Variants in NAV2 observed in about 807,000 individuals in gnomAD.
NAV2 encodes helicase, APC down-regulated 1.
Under a neutral mutation model 223.2 loss-of-function variants are expected in NAV2, and 54 were observed. That is an observed-to-expected ratio of 0.24 (90% CI 0.19 to 0.30). NAV2 has a LOEUF of 0.30. Ranked by LOEUF, NAV2 falls within the 10% of genes least tolerant of loss-of-function variation. The probability of loss-of-function intolerance (pLI) is 1.00; values close to 1 mark genes in which losing one functional copy is unlikely to be tolerated. For missense variants in NAV2, 2,806 were observed against 3,147.5 expected, an observed-to-expected ratio of 0.89 and a Z score of 2.60; for synonymous variants, 1,279 against 1,239.3, an observed-to-expected ratio of 1.03 and a Z score of -0.67.
At chr11:19,743,875 T>C (rs139694429) in intron 1 of NAV2, among the ~76,000 whole-genome samples, 9 of 152,324 alleles carry the variant, frequency 5.9e-5, no homozygotes, top group African/African-American at 2.2e-4. Context: ...ATGGAAGGTT[T>C]GGGTCAGGCC....
intron 7 of NAV2, among the ~76,000 whole-genome samples, chr11:19,935,191 G>C (rs1263957964): frequency 1.3e-5 from 2 of 152,210 alleles, no homozygotes; most frequent in African/African-American, 4.8e-5. Context: ...ATTCGATCCT[G>C]TGCTGGAGAT....
intron 1 of NAV2, among the ~76,000 whole-genome samples, chr11:19,563,851 G>C (rs1298761384): frequency 4.6e-5 from 7 of 152,094 alleles, no homozygotes; most frequent in Non-Finnish European, 8.8e-5. Context: ...TACCTCACAG[G>C]GTTATTGAGA....
At chr11:19,381,963 A>G (rs896654369) in intron 1 of NAV2, among the ~76,000 whole-genome samples, 1 of 152,164 alleles carries the variant, frequency 6.6e-6, no homozygotes, top group Non-Finnish European at 1.5e-5. Context: ...AGTGTGTCCT[A>G]TGCCAATCTG....
chr11:19,915,490 A>G (rs10833191), intron 6 of NAV2, among the ~76,000 whole-genome samples: 28,297 of 152,042 alleles, frequency 0.19, 3,019 homozygotes, highest in East Asian at 0.45. Flanking sequence ...GCCATATCCA[A>G]TAGTATGTGT....
At chr11:19,886,713 G>GTGAATGATTTGTTATCAGTCCCAGA (rs2041015579) in intron 5 of NAV2, among the ~76,000 whole-genome samples, 1 of 152,180 alleles carries the variant, frequency 6.6e-6, no homozygotes, top group African/African-American at 2.4e-5. Context: ...TGCCCATCCC[G>GTGAATGATTTGTTATCAGTCCCAGA]TGAATGATTT....
At chr11:19,594,019 T>A (rs1672038287) in intron 1 of NAV2, among the ~76,000 whole-genome samples, 1 of 152,130 alleles carries the variant, frequency 6.6e-6, no homozygotes, top group Admixed American at 6.6e-5. Context: ...ACTAGGATTA[T>A]CCCAATTTAA....
At chr11:19,894,476 A>G (rs1466549844) in intron 6 of NAV2, among the ~76,000 whole-genome samples, 1 of 152,234 alleles carries the variant, frequency 6.6e-6, no homozygotes, top group Non-Finnish European at 1.5e-5. Flanking sequence ...AGTCCAAAAA[A>G]TTGAGAAAAT....
chr11:19,474,893 G>A (rs1236210868), intron 1 of NAV2, among the ~76,000 whole-genome samples: 1 of 152,194 alleles, frequency 6.6e-6, no homozygotes, highest in Non-Finnish European at 1.5e-5. Context: ...GCAGTCACAA[G>A]CCCCGTCTCA....
At chr11:19,607,290 C>G (rs1163682853) in intron 1 of NAV2, among the ~76,000 whole-genome samples, 1 of 152,184 alleles carries the variant, frequency 6.6e-6, no homozygotes, top group Non-Finnish European at 1.5e-5. Flanking sequence ...AACGGGGAGC[C>G]CTCTTGGCCC....
chr11:19,568,726 A>T (rs561921449), intron 1 of NAV2, among the ~76,000 whole-genome samples: 36 of 152,202 alleles, frequency 2.4e-4, no homozygotes, highest in Non-Finnish European at 4.9e-4. Context: ...GGTCTTAGTT[A>T]CATAAGGCTG....
At chr11:19,522,494 C>A (rs1018641726) in intron 1 of NAV2, among the ~76,000 whole-genome samples, 1 of 152,150 alleles carries the variant, frequency 6.6e-6, no homozygotes, top group Non-Finnish European at 1.5e-5. Context: ...CAACAGTGAC[C>A]CCGCCTTCTT....
intron 1 of NAV2, among the ~76,000 whole-genome samples, chr11:19,531,271 T>C (rs1271941206): frequency 1.3e-5 from 2 of 152,154 alleles, no homozygotes; most frequent in African/African-American, 4.8e-5. Context: ...TAATTATAAG[T>C]TACTTTAAAA....
At chr11:20,105,194 G>A (rs918320165) in intron 34 of NAV2, 7 of 200,490 alleles carry the variant, frequency 3.5e-5, no homozygotes, top group Non-Finnish European at 6.0e-5. Context: ...TTGTCTCAGT[G>A]GTTAGAGCCT....
At chr11:19,910,615 T>C (rs1252629840) in intron 6 of NAV2, among the ~76,000 whole-genome samples, 2 of 152,170 alleles carry the variant, frequency 1.3e-5, no homozygotes, top group Non-Finnish European at 2.9e-5. Flanking sequence ...TCCTAGCACT[T>C]TGGGAGGCCG....
At chr11:19,534,583 A>G (rs555555666) in intron 1 of NAV2, among the ~76,000 whole-genome samples, 16 of 152,350 alleles carry the variant, frequency 1.1e-4, no homozygotes, top group African/African-American at 3.8e-4. Context: ...AGTTTGAGGA[A>G]AGGAGGATCA....
chr11:19,522,298 C>G (rs1163427181), intron 1 of NAV2, among the ~76,000 whole-genome samples: 1 of 152,180 alleles, frequency 6.6e-6, no homozygotes, highest in Non-Finnish European at 1.5e-5. Flanking sequence ...GTCTCCAAGC[C>G]CACCACTGGA....
At chr11:19,749,852 C>T (rs549389317) in intron 1 of NAV2, among the ~76,000 whole-genome samples, 45 of 152,356 alleles carry the variant, frequency 3.0e-4, no homozygotes, top group African/African-American at 1.1e-3. Context: ...CTCCTGGTGC[C>T]GTTTGTCATC....
At position 19,430,446 on chromosome 11, in the gene NAV2, C is replaced by G. The variant is rs1200076843; in HGVS notation, c.75+79419C>G. 2.0e-5 allele frequency among the ~76,000 whole-genome samples: 3 copies of G among 152,240 alleles called. No homozygotes were observed. The East Asian group carries it at 5.8e-4, about 29-fold the overall frequency. On this transcript the variant is annotated intron_variant, in intron 1 of 37. Transcript: ENST00000360655. ...GACAGTTCAAACCCAGCGACCCTCA[C>G]TGGCATTCCCTGTCCCATAAGTACA...
intron 3 of NAV2, among the ~76,000 whole-genome samples, chr11:19,854,106 T>C (rs1189199361): frequency 6.6e-6 from 1 of 152,168 alleles, no homozygotes; most frequent in Non-Finnish European, 1.5e-5. Context: ...ACCGTGTGGA[T>C]TGTGGTTTAT....
Sources: gnomAD v4.1 joint callset for allele counts (sites outside exome capture counted in the v4.1 genomes callset) on GRCh38, gnomAD v4.1.1 for gene constraint, MANE v1.5 for transcripts, NCBI Gene and HGNC (gene_info 2026-07-23, HGNC 2026-07-21) for gene names.